The following PDE1C variants were observed in gnomAD, a reference collection of about 807,000 sequenced individuals.
The protein encoded by PDE1C is phosphodiesterase 1C.
A neutral mutation model predicts 93.1 loss-of-function variants in PDE1C; 62 were observed. That is an observed-to-expected ratio of 0.67 (90% CI 0.54 to 0.82). PDE1C has a LOEUF of 0.82. PDE1C is among the 40% of genes least tolerant of loss of function. The probability of loss-of-function intolerance (pLI) is 0.00; values close to 1 mark genes in which losing one functional copy is unlikely to be tolerated. For synonymous variants in PDE1C, 325 were observed against 310.1 expected, an observed-to-expected ratio of 1.05 and a Z score of -0.50; for missense variants, 742 against 884.6, an observed-to-expected ratio of 0.84 and a Z score of 2.04.
chr7:32,387,765 C>A (rs1784666056), intron 1 of PDE1C, among the ~76,000 whole-genome samples: 3 of 137,964 alleles, frequency 2.2e-5, no homozygotes, highest in East Asian at 2.1e-4. Flanking sequence ...CGGGCAGAGG[C>A]GCCCCTCACC....
chr7:31,651,823 G>T, the PDE1C span: 14 of 605,092 alleles, frequency 2.3e-5, no homozygotes, highest in East Asian at 3.2e-5. Context: ...CACAAATAAA[G>T]ATGACATTCT....
intron 1 of PDE1C, among the ~76,000 whole-genome samples, chr7:32,349,407 T>C (rs1367569569): frequency 1.3e-5 from 2 of 152,176 alleles, no homozygotes. Context: ...TGGGAGAGTG[T>C]GGAGGGAAAT....
the PDE1C span, among the ~76,000 whole-genome samples, chr7:31,715,204 T>C: frequency 0.46 from 69,255 of 151,956 alleles, 18,201 homozygotes; most frequent in African/African-American, 0.72. Context: ...GTTATTATTG[T>C]AATAGCAATT....
chr7:31,948,953 T>A (rs542765287), intron 2 of PDE1C, among the ~76,000 whole-genome samples: 2 of 152,222 alleles, frequency 1.3e-5, no homozygotes, highest in South Asian at 4.1e-4. Flanking sequence ...TATAACAGAC[T>A]GATTTACCAC....
At chr7:32,331,334 G>A (rs1443915099) in intron 1 of PDE1C, among the ~76,000 whole-genome samples, 1 of 152,182 alleles carries the variant, frequency 6.6e-6, no homozygotes, top group Non-Finnish European at 1.5e-5. Context: ...AAGCTGCGCT[G>A]GTGTGCGAAG....
the PDE1C span, among the ~76,000 whole-genome samples, chr7:31,696,530 G>A: frequency 5.3e-5 from 8 of 152,138 alleles, no homozygotes; most frequent in East Asian, 1.9e-4. Flanking sequence ...GCAGGAGGGC[G>A]GAGGTATCAG....
chr7:32,112,761 TA>T (rs1191940402), intron 3 of PDE1C, among the ~76,000 whole-genome samples: 1 of 150,322 alleles, frequency 6.7e-6, no homozygotes, highest in Non-Finnish European at 1.5e-5. Flanking sequence ...TGCTCAGCCT[TA>T]AAAAGCTTTC....
At chr7:32,187,543 C>A (rs1347022517) in intron 2 of PDE1C, among the ~76,000 whole-genome samples, 4 of 150,450 alleles carry the variant, frequency 2.7e-5, no homozygotes, top group African/African-American at 1.0e-4. Context: ...TTTCACATAA[C>A]ATTCTGTTTT....
intron 1 of PDE1C, among the ~76,000 whole-genome samples, chr7:32,275,998 T>C (rs1395780172): frequency 6.6e-6 from 1 of 152,240 alleles, no homozygotes; most frequent in Non-Finnish European, 1.5e-5. Flanking sequence ...AACTGCAAGA[T>C]AGATAAAACT....
intron 2 of PDE1C, among the ~76,000 whole-genome samples, chr7:32,172,843 A>AG (rs1235895946): frequency 6.6e-6 from 1 of 150,684 alleles, no homozygotes; most frequent in African/African-American, 2.4e-5. Flanking sequence ...AAAAAAAAAA[A>AG]AAGGCAAGAA....
chr7:31,795,026 C>T (rs755924567), intron 16 of PDE1C, among the ~76,000 whole-genome samples: 10 of 151,894 alleles, frequency 6.6e-5, no homozygotes, highest in Admixed American at 3.9e-4. Context: ...TATATTGCAG[C>T]GGACTAATAC....
chr7:31,961,226 G>A (rs368076619), intron 2 of PDE1C, among the ~76,000 whole-genome samples: 13 of 148,468 alleles, frequency 8.8e-5, no homozygotes, highest in East Asian at 2.2e-4. Flanking sequence ...TAAATCACTC[G>A]TACATGTATA....
At chr7:32,385,271 T>C (rs1223386792) in intron 1 of PDE1C, among the ~76,000 whole-genome samples, 1 of 152,242 alleles carries the variant, frequency 6.6e-6, no homozygotes, top group Non-Finnish European at 1.5e-5. Context: ...CAGTTGAATA[T>C]ATAGATCTGA....
chr7:32,126,517 G>A (rs1202724188), intron 3 of PDE1C, among the ~76,000 whole-genome samples: 3 of 151,966 alleles, frequency 2.0e-5, no homozygotes, highest in Non-Finnish European at 4.4e-5. Context: ...AGATAACTAA[G>A]GAAAAAGTAA....
chr7:32,306,492 C>A (rs1035309313), intron 1 of PDE1C, among the ~76,000 whole-genome samples: 1 of 152,170 alleles, frequency 6.6e-6, no homozygotes, highest in Non-Finnish European at 1.5e-5. Context: ...ACACACGACC[C>A]CACCTTAGTC....
chr7:31,885,151 A>G (rs60403561), intron 2 of PDE1C, among the ~76,000 whole-genome samples: 31,491 of 152,010 alleles, frequency 0.21, 4,765 homozygotes, highest in African/African-American at 0.41. Flanking sequence ...TGGTCTGGAC[A>G]CCTAAGGGGA....
At position 32,257,688 on chromosome 7, in the gene PDE1C, T is replaced by A. The variant is rs569470306; in HGVS notation, c.85+40963A>T. 2.4e-3 allele frequency among the ~76,000 whole-genome samples: 363 copies of A among 152,318 alleles called. 1 individual carries two copies. The highest frequency in any genetic ancestry group is 8.3e-3 in the African/African-American group (346 of 41,572). ...AATCATGAAACAGAAGTGGTGGCTA[T>A]CTCTTAGGCGGCAGGCAGCCACTCA... On this transcript the variant is annotated intron_variant, in intron 1 of 18. Transcript: ENST00000396193.
intron 3 of PDE1C, among the ~76,000 whole-genome samples, chr7:32,126,979 A>G (rs1372625795): frequency 6.6e-6 from 1 of 152,134 alleles, no homozygotes; most frequent in Non-Finnish European, 1.5e-5. Flanking sequence ...GGATAAGATT[A>G]ACATTTGAAT....
chr7:31,723,846 G>A, the PDE1C span, among the ~76,000 whole-genome samples: 2 of 152,084 alleles, frequency 1.3e-5, no homozygotes, highest in African/African-American at 2.4e-5. Context: ...GTGTCTCTCC[G>A]CTCCTGACCC....
Sources: allele counts gnomAD v4.1 joint callset (sites outside exome capture counted in the v4.1 genomes callset), GRCh38; gene constraint gnomAD v4.1.1; transcripts MANE v1.5; gene names NCBI Gene and HGNC (gene_info 2026-07-23, HGNC 2026-07-21).